The following NRDE2 variants were observed in gnomAD, a reference collection of about 807,000 sequenced individuals.
The protein encoded by NRDE2 is nuclear exosome regulator NRDE2.
A neutral mutation model predicts 124.2 loss-of-function variants in NRDE2; 76 were observed. The observed-to-expected ratio is 0.61, with a 90% confidence interval of 0.51 to 0.74. NRDE2 has a LOEUF of 0.74. Among genes scored for constraint, NRDE2 ranks in the 30% least tolerant of loss-of-function variants. The probability of loss-of-function intolerance (pLI) is 0.00; values close to 1 mark genes in which losing one functional copy is unlikely to be tolerated. For missense variants in NRDE2, 1,314 were observed against 1,417.3 expected, an observed-to-expected ratio of 0.93 and a Z score of 1.17; for synonymous variants, 489 against 528.1, an observed-to-expected ratio of 0.93 and a Z score of 1.01.
In NRDE2 at chr14:90,292,779, C is replaced by T. The variant is rs149932737; in HGVS notation, c.1760G>A (p.Arg587His). The T allele has an allele frequency of 1.2e-5, 19 of 1,614,076 alleles. No homozygotes were observed. Among genetic ancestry groups the T allele is most frequent in the African/African-American group, 5.3e-5 (4 of 74,934 alleles). The change falls in exon 9 of 14, where the codon CGT becomes CAT. Residue 587 changes from arginine (R) to histidine (H), a missense_variant. Transcript: ENST00000354366. ...CCAGGGCCGCCAGTGCCTCTGGTCA[C>T]GGGAACGCTCAGCAGCAAGCCAGAT... ...WQIWLAAERS[R>H]DQRHWRPWRP...
In NRDE2 at chr14:90,288,483, C is replaced by T; in HGVS notation, c.2892G>A (p.Met964Ile). The change falls in exon 11 of 14, where the codon ATG becomes ATA. Residue 964 changes from methionine to isoleucine, a missense_variant. By Grantham distance (10) the Met-to-Ile change is conservative. Transcript: ENST00000354366. ...TGTGGAATCTCAGCAGGCTCGTGTGCATCAGTGTGATGGCTTCGAGAACAC... is the reference window on the plus strand; with the variant it reads ...TGTGGAATCTCAGCAGGCTCGTGTGTATCAGTGTGATGGCTTCGAGAACAC... ...WTSVLEAITLMHTSLLRFHMK... is the reference protein window; with the variant it reads ...WTSVLEAITLIHTSLLRFHMK... The T allele has an allele frequency of 1.2e-6, 2 of 1,614,182 alleles. No individual in the cohort carries two copies. The highest frequency in any genetic ancestry group is 1.1e-5 in the South Asian group (1 of 91,082).
At position 90,298,279 on chromosome 14, in the gene NRDE2, G is replaced by A; in HGVS notation, c.1647C>T (p.Gly549=). Residue 549 remains glycine, a synonymous_variant, in exon 8 of 14, where the codon GGC becomes GGT. Coordinates refer to ENST00000354366, the MANE Select transcript of NRDE2 (RefSeq NM_017970.4). ...ACTTACCTGGGTTGATGACCACCCAGCCACCTCGTTCCTGCTGGTGCATCC... is the reference window on the plus strand; with the variant it reads ...ACTTACCTGGGTTGATGACCACCCAACCACCTCGTTCCTGCTGGTGCATCC... ...KAWMHQQERG[G]WVVINPDEDD... 1 of 1,613,624 alleles carries A rather than the reference G, an allele frequency of 6.2e-7. No individual in the cohort carries two copies. The highest frequency in any genetic ancestry group is 1.3e-5 in the African/African-American group (1 of 75,044).
Position 90,316,829 on chromosome 14 carries a change from C to T in NRDE2, c.174-18G>A. 8 of 1,505,198 alleles carry T rather than the reference C, an allele frequency of 5.3e-6. No homozygotes were observed. The highest frequency in any genetic ancestry group is 7.2e-6 in the Non-Finnish European group (8 of 1,104,748). The allele number at this position is 1,505,198 out of a possible 1,614,324, so 93.2% of individuals were successfully genotyped here. A position where few individuals can be genotyped will look rare whatever the true frequency, so the allele number is the denominator to read the frequency against. ...GATGACTCCTGTTTGGGAAAATCAA[C>T]TTTAAAATTACTTTCTAAAAAGATG... On this transcript the variant is annotated intron_variant, in intron 2 of 13. Transcript: ENST00000354366.
At chr14:90,315,302 C>T (rs1456091956) in intron 3 of NRDE2, among the ~76,000 whole-genome samples, 5 of 149,452 alleles carry the variant, frequency 3.3e-5, no homozygotes, top group African/African-American at 7.4e-5. Flanking sequence ...ACCCGGGAGG[C>T]GGAGGTTGCA....
In NRDE2 at chr14:90,273,823, A is replaced by C. The variant is rs1566677413; in HGVS notation, c.*4513T>G. On this transcript the variant is annotated 3_prime_UTR_variant, in exon 14 of 14. Transcript: ENST00000354366. ...TCTGTGAAGGCCACCCTCCCTCCTG[A>C]CTCGTGGCACTTCATTTTCCACCAG... 1 of 154,444 alleles carries C rather than the reference A, an allele frequency of 6.5e-6. No individual in the cohort carries two copies. The highest frequency in any genetic ancestry group is 1.5e-5 in the Non-Finnish European group (1 of 68,184). 9.6% of individuals were successfully genotyped at this position (154,444 alleles called of 1,614,324 possible). A position where few individuals can be genotyped will look rare whatever the true frequency, so the allele number is the denominator to read the frequency against.
rs1002290399 is a variant in NRDE2, at chr14:90,301,089, G to C, written c.1545+150C>G. The stretch of plus-strand genomic sequence containing the variant: ...GACTATTTCTGAGAATTCCTCCTCA[G>C]CAGACTGATATAAAGGAGGATATGA... On this transcript the variant is annotated intron_variant, in intron 7 of 13. Transcript: ENST00000354366. The C allele has an allele frequency of 5.5e-6, 4 of 732,848 alleles. No individual in the cohort carries two copies. The African/African-American group carries it at 7.1e-5, about 13-fold the overall frequency. The allele number at this position is 732,848 out of a possible 1,614,324, so 45.4% of individuals were successfully genotyped here.
chr14:90,325,817 G>C (rs1885407221), intron 1 of NRDE2, among the ~76,000 whole-genome samples: 1 of 152,120 alleles, frequency 6.6e-6, no homozygotes, highest in South Asian at 2.1e-4. Flanking sequence ...GTAAGCCACT[G>C]TGCCCAGCCC....
At chr14:90,289,880 G>A (rs1305603939) in intron 10 of NRDE2, among the ~76,000 whole-genome samples, 1 of 152,208 alleles carries the variant, frequency 6.6e-6, no homozygotes, top group African/African-American at 2.4e-5. Context: ...GAGCCACCGC[G>A]CCTGACGCTG....
intron 12 of NRDE2, among the ~76,000 whole-genome samples, chr14:90,285,301 TTTTTTTTTTC>T (rs1892071251): frequency 4.3e-5 from 3 of 69,940 alleles, no homozygotes; most frequent in Admixed American, 1.5e-4. Context: ...GAAATGTTGA[TTTTTTTTTTC>T]TTTTTTTTGA....
At chr14:90,296,880 G>T (rs1043661014) in intron 8 of NRDE2, among the ~76,000 whole-genome samples, 1 of 151,876 alleles carries the variant, frequency 6.6e-6, no homozygotes, top group Non-Finnish European at 1.5e-5. Context: ...GGCTCACATC[G>T]GAAATCCCAG....
rs745983130 is a variant in NRDE2, at chr14:90,279,108, CTTCT to C, written c.3319_3322del (p.Arg1107AlafsTer36). 54 of 1,612,334 alleles carry C rather than the reference CTTCT, an allele frequency of 3.3e-5. No homozygotes were observed. The highest frequency in any genetic ancestry group is 1.6e-4 in the Middle Eastern group (1 of 6,080). Reference sequence around the variant, plus strand: ...AAGTGCTTTGTAGAATACACCTTTGCTTCTTTCTTTATTTCCTAAGGAAACCTGA... The same window carrying C: ...AAGTGCTTTGTAGAATACACCTTTGCTTCTTTATTTCCTAAGGAAACCTGA... On this transcript the variant is annotated frameshift_variant, in exon 13 of 14. Transcript: ENST00000354366. LOFTEE classifies it high-confidence loss of function.
chr14:90,280,468 T>C (rs11159961), intron 12 of NRDE2: 144,798 of 152,364 alleles, frequency 0.95, 69,186 homozygotes, highest in East Asian at 1. Context: ...CATACTTCAG[T>C]GTCCTTTCCT....
chr14:90,283,044 A>G (rs899935628), intron 12 of NRDE2, among the ~76,000 whole-genome samples: 3 of 152,100 alleles, frequency 2.0e-5, no homozygotes, highest in African/African-American at 7.2e-5. Context: ...AACCAACCTC[A>G]CAGCCCTCCT....
chr14:90,305,674 A>C (rs1319748783), intron 4 of NRDE2, among the ~76,000 whole-genome samples: 1 of 152,230 alleles, frequency 6.6e-6, no homozygotes, highest in Non-Finnish European at 1.5e-5. Context: ...AGCCAGATAC[A>C]AAAGAGTACA....
chr14:90,283,251 C>T (rs1892004602), intron 12 of NRDE2, among the ~76,000 whole-genome samples: 1 of 152,332 alleles, frequency 6.6e-6, no homozygotes, highest in Middle Eastern at 3.4e-3. Context: ...CCAATACTAC[C>T]TTTCCAAAAA....
intron 10 of NRDE2, 34 bp downstream of exon 10, chr14:90,290,187 G>T: frequency 1.3e-6 from 2 of 1,596,524 alleles, no homozygotes; most frequent in Non-Finnish European, 1.7e-6. Context: ...GAAATGAAAA[G>T]TCCCCAAACA....
At chr14:90,279,004 CG>C in intron 13 of NRDE2, 57 bp downstream of exon 13, 1 of 1,229,228 alleles carries the variant, frequency 8.1e-7, no homozygotes, top group Non-Finnish European at 1.2e-6. Context: ...ACTAGCTGGA[CG>C]GAGACCTGGC....
At chr14:90,279,763 C>G (rs1316092780) in intron 12 of NRDE2, 1 of 152,402 alleles carries the variant, frequency 6.6e-6, no homozygotes, top group Admixed American at 6.5e-5. Flanking sequence ...CAGCCTGGGA[C>G]CTCCGCTGAC....
chr14:90,305,526 G>A (rs2139693533), intron 4 of NRDE2, among the ~76,000 whole-genome samples: 1 of 152,330 alleles, frequency 6.6e-6, no homozygotes, highest in African/African-American at 2.4e-5. Flanking sequence ...GAGTCCACGT[G>A]TCCATCAATA....
Sources: gnomAD v4.1 joint callset for allele counts (sites outside exome capture counted in the v4.1 genomes callset) on GRCh38, gnomAD v4.1.1 for gene constraint, MANE v1.5 for transcripts, NCBI Gene and HGNC (gene_info 2026-07-23, HGNC 2026-07-21) for gene names.